SNX25: variants seen among roughly 807,000 people sequenced by gnomAD.
The protein encoded by SNX25 is sorting nexin-25.
Under a neutral mutation model 113.7 loss-of-function variants are expected in SNX25, and 62 were observed. The observed-to-expected ratio is 0.55, with a 90% CI of 0.44 to 0.67. The LOEUF (loss-of-function observed/expected upper bound fraction) is 0.67. Among genes scored for constraint, SNX25 ranks in the 30% least tolerant of loss-of-function variants. SNX25 has a pLI of 0.00. For synonymous variants in SNX25, 421 were observed against 436.2 expected (o/e 0.97, Z 0.43); for missense variants, 1,014 against 1,161.0 (o/e 0.87, Z 1.84).
intron 1 of SNX25, among the ~76,000 whole-genome samples, chr4:185,231,432 G>A (rs1226749310): frequency 3.3e-5 from 5 of 151,668 alleles, no homozygotes; most frequent in South Asian, 2.1e-4. Flanking sequence ...AAAATTGGCC[G>A]GACGCGGTGG....
At chr4:185,369,738 G>A (rs1208287934) in intron 11 of SNX25, 1 of 440,544 alleles carries the variant, frequency 2.3e-6, no homozygotes, top group African/African-American at 2.0e-5. Context: ...ACCTGACATT[G>A]GAATCCCACA....
chr4:185,343,371 T>C (rs2095269958), intron 12 of SNX25, among the ~76,000 whole-genome samples: 2 of 152,252 alleles, frequency 1.3e-5, no homozygotes, highest in Admixed American at 6.5e-5. Context: ...GCAGTAGTAA[T>C]GAGCATTGTT....
At position 185,222,633 on chromosome 4, in the gene SNX25, T is replaced by A. The variant is rs753732986; in HGVS notation, c.429+12378T>A. Reference sequence around the variant, plus strand: ...TTATACTCATTTGGATGGCTCCTGGTGTTTCCTTTTCATTAGTTATTGAAC... The same window carrying A: ...TTATACTCATTTGGATGGCTCCTGGAGTTTCCTTTTCATTAGTTATTGAAC... On this transcript the variant is annotated intron_variant, in intron 1 of 18. Coordinates refer to ENST00000652585, the MANE Select transcript of SNX25 (RefSeq NM_001378034.2). Among the ~76,000 whole-genome samples the A allele has an allele frequency of 2.8e-3, 426 of 152,376 alleles. 2 individuals are homozygous for A. The highest frequency in any genetic ancestry group is 4.8e-3 in the Non-Finnish European group (328 of 68,036).
intron 16 of SNX25, among the ~76,000 whole-genome samples, chr4:185,358,491 A>G (rs1486046773): frequency 6.6e-6 from 1 of 152,336 alleles, no homozygotes; most frequent in African/African-American, 2.4e-5. Context: ...TCATAACTGC[A>G]AAGTCATGTA....
chr4:185,269,136 G>A (rs1748551368), intron 5 of SNX25, among the ~76,000 whole-genome samples: 1 of 152,106 alleles, frequency 6.6e-6, no homozygotes, highest in African/African-American at 2.4e-5. Context: ...AGGCTCACAG[G>A]TTACATCCAC....
At chr4:185,355,649 A>G (rs1199645728) in intron 15 of SNX25, among the ~76,000 whole-genome samples, 1 of 152,266 alleles carries the variant, frequency 6.6e-6, no homozygotes, top group African/African-American at 2.4e-5. Context: ...TATCATCCAC[A>G]TATGAAAAAT....
exon 12 of SNX25, chr4:185,369,858 C>T (rs2095409105): frequency 2.5e-6 from 1 of 396,994 alleles, no homozygotes; most frequent in Non-Finnish European, 5.0e-6. Context: ...TTTTAACATG[C>T]AGAGAAGCTT....
At chr4:185,231,274 T>A (rs957883801) in intron 1 of SNX25, among the ~76,000 whole-genome samples, 1 of 151,616 alleles carries the variant, frequency 6.6e-6, no homozygotes, top group African/African-American at 2.4e-5. Context: ...AATTTTTTTG[T>A]ATTTTTAGTA....
intron 5 of SNX25, among the ~76,000 whole-genome samples, chr4:185,287,069 G>T (rs1173950195): frequency 6.6e-6 from 1 of 152,094 alleles, no homozygotes; most frequent in Non-Finnish European, 1.5e-5. Context: ...ATAATTAAGG[G>T]CTAAGAAACA....
intron 18 of SNX25, 124 bp downstream of exon 18, chr4:185,362,835 G>A (rs941409901): frequency 2.3e-5 from 9 of 390,818 alleles, no homozygotes; most frequent in African/African-American, 1.9e-4. Context: ...CATCTCCCTT[G>A]ACTTTTTTTT....
At chr4:185,377,144 A>G in the SNX25 span, 1 of 712,792 alleles carries the variant, frequency 1.4e-6, no homozygotes, top group East Asian at 2.7e-5. Context: ...CATTCCTACA[A>G]CTGGCCTCCT....
intron 1 of SNX25, among the ~76,000 whole-genome samples, chr4:185,240,546 G>T (rs1743662899): frequency 1.4e-5 from 2 of 144,636 alleles, no homozygotes; most frequent in Admixed American, 1.4e-4. Context: ...CTCCCTCCTG[G>T]ACAGGGCGGC....
chr4:185,207,992 G>A (rs189729828), upstream of SNX25, among the ~76,000 whole-genome samples: 94 of 152,316 alleles, frequency 6.2e-4, no homozygotes, highest in African/African-American at 2.2e-3. Context: ...AAGCCACTGT[G>A]CTTTATTTGA....
Position 185,287,891 on chromosome 4 carries a change from C to T in SNX25, c.1092-121C>T, listed in dbSNP as rs556496402. The stretch of plus-strand genomic sequence containing the variant: ...TCTATGTCGGATTATTTTATGGAGC[C>T]TTGGGCAGGATTCACAGCTCCTGTG... On this transcript the variant is annotated intron_variant, in intron 5 of 18. Transcript: ENST00000652585. 11 of 796,460 alleles carry T rather than the reference C, an allele frequency of 1.4e-5. No individual in the cohort carries two copies. In the African/African-American group the frequency reaches 1.8e-4, roughly 13 times the overall value. 49.3% of individuals were successfully genotyped at this position (796,460 alleles called of 1,614,324 possible).
the SNX25 span, chr4:185,375,754 A>AT: frequency 6.8e-7 from 1 of 1,463,282 alleles, no homozygotes; most frequent in Non-Finnish European, 9.5e-7. Context: ...ATATTTAATT[A>AT]TTTTTATTAT....
upstream of SNX25, among the ~76,000 whole-genome samples, chr4:185,204,876 C>T (rs1436124214): frequency 6.6e-6 from 1 of 152,228 alleles, no homozygotes; most frequent in Non-Finnish European, 1.5e-5. Context: ...CTAGAGCCTG[C>T]AAATTTTGAT....
At chr4:185,238,506 C>G (rs969481168) in intron 1 of SNX25, among the ~76,000 whole-genome samples, 1 of 152,098 alleles carries the variant, frequency 6.6e-6, no homozygotes, top group Non-Finnish European at 1.5e-5. Flanking sequence ...GAGGCTGAGG[C>G]AGAATATCGT....
intron 5 of SNX25, among the ~76,000 whole-genome samples, chr4:185,269,335 G>A (rs2126555782): frequency 6.6e-6 from 1 of 152,316 alleles, no homozygotes; most frequent in Middle Eastern, 3.4e-3. Flanking sequence ...TCTACCTGGT[G>A]TTTTCGTGCC....
At chr4:185,224,066 A>G (rs781637581) in intron 1 of SNX25, among the ~76,000 whole-genome samples, 87 of 152,100 alleles carry the variant, frequency 5.7e-4, no homozygotes, top group Non-Finnish European at 8.1e-4. Flanking sequence ...AAATATTATT[A>G]TGAATTCTGG....
Sources: allele counts gnomAD v4.1 joint callset (sites outside exome capture counted in the v4.1 genomes callset), GRCh38; gene constraint gnomAD v4.1.1; transcripts MANE v1.5; gene names NCBI Gene and HGNC (gene_info 2026-07-23, HGNC 2026-07-21).